Variants in CDH8 observed in about 807,000 individuals in gnomAD.
CDH8 encodes cadherin 8, also known as cadherin-8.
In CDH8, 17 loss-of-function variants were observed where a neutral mutation model predicts 68.1. That is an observed-to-expected ratio of 0.25 (90% CI 0.17 to 0.37). The LOEUF (loss-of-function observed/expected upper bound fraction) is 0.37, where lower values mean the gene tolerates loss of function less well. CDH8 is among the 10% of genes least tolerant of loss of function. The pLI is 1.00. For missense variants in CDH8, 763 were observed against 999.3 expected (o/e 0.76, Z 3.19); for synonymous variants, 372 against 365.1 (o/e 1.02, Z -0.21).
At chr16:61,810,366 T>C (rs577216340) in intron 7 of CDH8, among the ~76,000 whole-genome samples, 132 of 152,238 alleles carry the variant, frequency 8.7e-4, no homozygotes, top group Non-Finnish European at 1.5e-3. Flanking sequence ...ATTATCTGAG[T>C]TCTGCTAGTT....
At chr16:61,729,254 T>A (rs1276390995) in intron 8 of CDH8, among the ~76,000 whole-genome samples, 2 of 150,204 alleles carry the variant, frequency 1.3e-5, no homozygotes, top group African/African-American at 2.5e-5. Context: ...ATAATACTGA[T>A]GAAGTCCAAA....
chr16:61,727,851 T>C (rs1416769287), intron 8 of CDH8, among the ~76,000 whole-genome samples: 1 of 151,130 alleles, frequency 6.6e-6, no homozygotes, highest in Non-Finnish European at 1.5e-5. Context: ...AATAATCTTC[T>C]AATCTTTCCA....
chr16:62,034,685 T>G (rs1902410456), intron 1 of CDH8, among the ~76,000 whole-genome samples: 1 of 152,030 alleles, frequency 6.6e-6, no homozygotes, highest in African/African-American at 2.4e-5. Flanking sequence ...GCTAAGGGAT[T>G]GTCGAATCAT....
chr16:61,653,448 A>G lies in CDH8; in HGVS notation c.*160T>C, dbSNP rs959618096. On this transcript the variant is annotated 3_prime_UTR_variant, in exon 12 of 12. Transcript: ENST00000577390. ...CTCCTAACATATACTTTTTTATTTT[A>G]TTATCTTTTTTTGGTTCAACATTAA... is the stretch of plus-strand genomic sequence containing the variant. 7.1e-7 allele frequency: 1 copy of G among 1,416,498 alleles called. No individual in the cohort carries two copies. The highest frequency in any genetic ancestry group is 1.5e-5 in the African/African-American group (1 of 67,936). The allele number at this position is 1,416,498 out of a possible 1,614,324, so 87.7% of individuals were successfully genotyped here.
intron 3 of CDH8, among the ~76,000 whole-genome samples, chr16:61,874,034 G>A (rs1255582362): frequency 6.6e-6 from 1 of 151,952 alleles, no homozygotes; most frequent in East Asian, 2.0e-4. Flanking sequence ...CCAGCCTGGG[G>A]CAACAGAGTG....
intron 1 of CDH8, among the ~76,000 whole-genome samples, chr16:62,034,876 T>A (rs1902415150): frequency 6.6e-6 from 1 of 152,178 alleles, no homozygotes; most frequent in African/African-American, 2.4e-5. Flanking sequence ...AATAAACAAT[T>A]AATGTGGTTT....
chr16:61,779,080 T>C (rs376633467), intron 8 of CDH8, among the ~76,000 whole-genome samples: 2 of 152,312 alleles, frequency 1.3e-5, no homozygotes, highest in African/African-American at 4.8e-5. Context: ...AATTATATGC[T>C]TCCTGCTTTG....
At chr16:61,807,319 T>G (rs1961811477) in intron 7 of CDH8, among the ~76,000 whole-genome samples, 2 of 88,806 alleles carry the variant, frequency 2.3e-5, no homozygotes, top group Non-Finnish European at 4.2e-5. Flanking sequence ...CTGGGGACTG[T>G]GGTGGGGTGG....
chr16:62,017,452 C>T (rs1019269206), intron 2 of CDH8, among the ~76,000 whole-genome samples: 1 of 152,078 alleles, frequency 6.6e-6, no homozygotes, highest in Non-Finnish European at 1.5e-5. Context: ...AAGCCAAGGC[C>T]AGAGGACTGC....
intron 10 of CDH8, among the ~76,000 whole-genome samples, chr16:61,677,441 A>G (rs975093671): frequency 6.6e-6 from 1 of 151,860 alleles, no homozygotes; most frequent in South Asian, 2.1e-4. Flanking sequence ...TTTCCTAAAA[A>G]GTCCCCAACT....
chr16:61,768,304 G>GTGTCTCTCTCTCTCTCTCTC (rs1164507960), intron 8 of CDH8, among the ~76,000 whole-genome samples: 1 of 73,688 alleles, frequency 1.4e-5, no homozygotes. Context: ...CTCTCTCTGT[G>GTGTCTCTCTCTCTCTCTCTC]TCTCTCCCTT....
intron 2 of CDH8, among the ~76,000 whole-genome samples, chr16:61,971,833 C>T (rs2150577209): frequency 6.6e-6 from 1 of 152,210 alleles, no homozygotes; most frequent in South Asian, 2.1e-4. Flanking sequence ...AGGAGTTTAA[C>T]TGTATGCCAG....
chr16:61,949,358 G>A (rs558686830), intron 2 of CDH8, among the ~76,000 whole-genome samples: 2 of 152,038 alleles, frequency 1.3e-5, no homozygotes, highest in Admixed American at 1.3e-4. Context: ...CTGTAAAATG[G>A]ACCAATCAGC....
chr16:61,777,770 T>A lies in CDH8; in HGVS notation c.1414+11576A>T, dbSNP rs142608389. ...ATTAGAATAAAACTGACATGGGCTA[T>A]GCGCAGAATTACATCCATTTTGTGC... On this transcript the variant is annotated intron_variant, in intron 8 of 11. Transcript: ENST00000577390. Among the ~76,000 whole-genome samples the A allele has an allele frequency of 1.2e-3, 182 of 152,248 alleles. 1 individual carries two copies. Among genetic ancestry groups the A allele is most frequent in the Non-Finnish European group, 1.9e-3 (132 of 67,996 alleles).
chr16:61,731,324 C>A (rs189203001), intron 8 of CDH8, among the ~76,000 whole-genome samples: 2 of 151,774 alleles, frequency 1.3e-5, no homozygotes, highest in Non-Finnish European at 1.5e-5. Context: ...AATAACAAAT[C>A]TCAAACATTT....
intron 7 of CDH8, among the ~76,000 whole-genome samples, chr16:61,809,581 C>A (rs533018364): frequency 6.6e-6 from 1 of 152,076 alleles, no homozygotes; most frequent in African/African-American, 2.4e-5. Context: ...CACATGTATC[C>A]CAGAACTTAA....
chr16:61,747,370 G>T (rs1960049798), intron 8 of CDH8, among the ~76,000 whole-genome samples: 1 of 151,934 alleles, frequency 6.6e-6, no homozygotes, highest in African/African-American at 2.4e-5. Flanking sequence ...CTTTTTAAAA[G>T]GCATAGCTAA....
At chr16:61,782,900 C>A (rs1273060461) in intron 8 of CDH8, among the ~76,000 whole-genome samples, 5 of 152,136 alleles carry the variant, frequency 3.3e-5, no homozygotes, top group Non-Finnish European at 5.9e-5. Context: ...GGAAAACTAA[C>A]AAACAGAAAG....
At chr16:61,787,649 T>G (rs1346832081) in intron 8 of CDH8, among the ~76,000 whole-genome samples, 2 of 143,430 alleles carry the variant, frequency 1.4e-5, no homozygotes, top group Non-Finnish European at 3.0e-5. Context: ...CACGTATGTT[T>G]ATTGCGGCAT....
Sources: gnomAD v4.1 joint callset for allele counts (sites outside exome capture counted in the v4.1 genomes callset) on GRCh38, gnomAD v4.1.1 for gene constraint, MANE v1.5 for transcripts, NCBI Gene and HGNC (gene_info 2026-07-23, HGNC 2026-07-21) for gene names.